The following ARK2C variants were observed in gnomAD, a reference collection of about 807,000 sequenced individuals.
ARK2C encodes arkadia (RNF111) C-terminal like ring finger ubiquitin ligase 2C, also known as E3 ubiquitin-protein ligase ARK2C.
the ARK2C span, among the ~76,000 whole-genome samples, chr18:46,385,501 T>C: frequency 6.6e-6 from 1 of 152,334 alleles, no homozygotes; most frequent in East Asian, 1.9e-4. Flanking sequence ...CTACTGACTC[T>C]AGTGGACAGA....
At chr18:46,431,799 C>G in the ARK2C span, among the ~76,000 whole-genome samples, 2 of 152,192 alleles carry the variant, frequency 1.3e-5, no homozygotes, top group African/African-American at 4.8e-5. Flanking sequence ...TCCCTGTTCT[C>G]GGCTCTGCCC....
the ARK2C span, among the ~76,000 whole-genome samples, chr18:46,396,338 A>G: frequency 1.3e-5 from 2 of 152,204 alleles, no homozygotes; most frequent in Admixed American, 1.3e-4. Flanking sequence ...CTTCTGGCTC[A>G]GTTCCTGGAA....
chr18:46,397,161 C>T, the ARK2C span, among the ~76,000 whole-genome samples: 1 of 152,202 alleles, frequency 6.6e-6, no homozygotes, highest in Non-Finnish European at 1.5e-5. Context: ...TTTCTGCACT[C>T]CAACTTGGAG....
chr18:46,419,624 A>T, the ARK2C span, among the ~76,000 whole-genome samples: 1 of 152,178 alleles, frequency 6.6e-6, no homozygotes, highest in African/African-American at 2.4e-5. Context: ...TTAAGCAATG[A>T]GCGGAGTGGG....
chr18:46,341,326 T>A, the ARK2C span, among the ~76,000 whole-genome samples: 1 of 23,998 alleles, frequency 4.2e-5, no homozygotes. Context: ...GGGAGGGGGG[T>A]GGGACAGGCG....
the ARK2C span, among the ~76,000 whole-genome samples, chr18:46,373,151 G>A: frequency 6.6e-6 from 1 of 152,276 alleles, no homozygotes; most frequent in Non-Finnish European, 1.5e-5. Context: ...CAGGTAAGCA[G>A]AAGGGCCTCC....
chr18:46,397,108 G>A, the ARK2C span, among the ~76,000 whole-genome samples: 2 of 152,208 alleles, frequency 1.3e-5, no homozygotes, highest in African/African-American at 4.8e-5. Flanking sequence ...CTGGAACCCA[G>A]GCTTGGTGTT....
At chr18:46,360,795 G>C in the ARK2C span, among the ~76,000 whole-genome samples, 1 of 152,322 alleles carries the variant, frequency 6.6e-6, no homozygotes, top group South Asian at 2.1e-4. Context: ...TCCTACCTAG[G>C]TAGCACCAGG....
At chr18:46,361,799 T>C in the ARK2C span, among the ~76,000 whole-genome samples, 3 of 152,316 alleles carry the variant, frequency 2.0e-5, no homozygotes, top group East Asian at 5.8e-4. Flanking sequence ...TGTGTGCTCC[T>C]GAGTGAATGA....
the ARK2C span, among the ~76,000 whole-genome samples, chr18:46,360,612 G>C: frequency 6.6e-6 from 1 of 152,138 alleles, no homozygotes; most frequent in Non-Finnish European, 1.5e-5. Flanking sequence ...GCACCAGGCA[G>C]CCCCAGGCGA....
the ARK2C span, among the ~76,000 whole-genome samples, chr18:46,345,564 G>A: frequency 6.6e-6 from 1 of 152,220 alleles, no homozygotes; most frequent in Non-Finnish European, 1.5e-5. Flanking sequence ...TCTGGCTGGG[G>A]GGTGGACTAG....
the ARK2C span, chr18:46,334,515 T>C: frequency 6.0e-6 from 3 of 501,368 alleles, no homozygotes; most frequent in South Asian, 9.4e-5. The surrounding 1 kb of genome is among the most constrained non-coding windows in gnomAD (Gnocchi z 4.4). Flanking sequence ...GCCGCCCTCG[T>C]GGGAGCTTTT....
chr18:46,363,292 G>T, the ARK2C span, among the ~76,000 whole-genome samples: 1 of 152,176 alleles, frequency 6.6e-6, no homozygotes, highest in Non-Finnish European at 1.5e-5. Context: ...TACCACCTTT[G>T]GCTGCAGAGG....
the ARK2C span, chr18:46,462,230 A>T: frequency 1.3e-5 from 2 of 152,594 alleles, no homozygotes; most frequent in African/African-American, 4.8e-5. Flanking sequence ...TGTGAGCCCA[A>T]TGCCTCTGAG....
At chr18:46,365,246 A>C in the ARK2C span, among the ~76,000 whole-genome samples, 1 of 152,044 alleles carries the variant, frequency 6.6e-6, no homozygotes, top group South Asian at 2.1e-4. Flanking sequence ...TGAGGCTCCC[A>C]TGTGGGCTCT....
chr18:46,378,220 A>C, the ARK2C span, among the ~76,000 whole-genome samples: 1 of 152,326 alleles, frequency 6.6e-6, no homozygotes, highest in South Asian at 2.1e-4. Context: ...GTGGTGTCCA[A>C]AAGCAAGACA....
the ARK2C span, among the ~76,000 whole-genome samples, chr18:46,428,543 G>A: frequency 3.3e-5 from 5 of 152,330 alleles, no homozygotes; most frequent in East Asian, 3.9e-4. Context: ...CTCTGTGTAC[G>A]GAGTTGGCTT....
At chr18:46,437,513 G>A in the ARK2C span, among the ~76,000 whole-genome samples, 1 of 151,838 alleles carries the variant, frequency 6.6e-6, no homozygotes, top group African/African-American at 2.4e-5. Context: ...TTCTGCCCTA[G>A]GTCATTCCAG....
At chr18:46,449,438 C>T in the ARK2C span, among the ~76,000 whole-genome samples, 2 of 152,124 alleles carry the variant, frequency 1.3e-5, no homozygotes, top group Non-Finnish European at 2.9e-5. Flanking sequence ...TTTGTGCCCC[C>T]ACCTTGGTGC....
Sources: gnomAD v4.1 joint callset for allele counts (sites outside exome capture counted in the v4.1 genomes callset) on GRCh38, gnomAD v4.1.1 for gene constraint, Gnocchi (gnomAD v3.1) non-coding constraint, MANE v1.5 for transcripts, NCBI Gene and HGNC (gene_info 2026-07-23, HGNC 2026-07-21) for gene names.